The following CDS2 variants were observed in gnomAD, a reference collection of about 807,000 sequenced individuals.
CDS2 encodes phosphatidate cytidylyltransferase 2.
CDS2 carries 47 observed loss-of-function variants against 59.0 expected under a neutral mutation model. That is an observed-to-expected ratio of 0.80 (90% CI 0.63 to 1.02). The LOEUF is 1.02. Among genes scored for constraint, CDS2 ranks in the 50% least tolerant of loss-of-function variants. CDS2 has a pLI of 0.00. For missense variants in CDS2, 356 were observed against 558.9 expected (o/e 0.64, Z 3.66); for synonymous variants, 207 against 206.4 (o/e 1.00, Z -0.02).
Position 5,173,542 on chromosome 20 carries a change from A to G in CDS2, c.77A>G (p.Lys26Arg). ...PEDKESESEA[K>R]VDGETASDSE... ...ACTTAGGAGTCAGAGTCAGAAGCAA[A>G]GGTAGATGGAGAGACTGCATCGGAC... The change falls in exon 2 of 13, where the codon AAG becomes AGG. Residue 26 changes from lysine (K) to arginine (R), a missense_variant. Lys to Arg is a conservative substitution (Grantham distance 26, BLOSUM62 2). Transcript: ENST00000460006. 6.2e-7 allele frequency: 1 copy of G among 1,614,160 alleles called. No individual in the cohort carries two copies. The highest frequency in any genetic ancestry group is 8.5e-7 in the Non-Finnish European group (1 of 1,180,004).
chr20:5,182,336 A>G, intron 5 of CDS2, 51 bp from the exon 6 acceptor site: 2 of 1,531,976 alleles, frequency 1.3e-6, no homozygotes, highest in East Asian at 2.3e-5. Flanking sequence ...GAGGGCAAAG[A>G]TAAATGCAGA....
intron 1 of CDS2, among the ~76,000 whole-genome samples, chr20:5,152,007 G>T (rs1231090433): frequency 7.0e-6 from 1 of 142,766 alleles, no homozygotes; most frequent in African/African-American, 2.6e-5. Context: ...CAGAAGATCC[G>T]CCTGCCTCAG....
rs768795422 is a variant in CDS2, at chr20:5,178,865, G to A, written c.438G>A (p.Thr146=). ...ATTTCTTCTATGGTGAGACAGTGAC[G>A]GATTACTTCTTCACCCTGGTCCAGA... is the stretch of plus-strand genomic sequence containing the variant. ...VNYFFYGETV[T]DYFFTLVQRE... The change falls in exon 5 of 13, where the codon ACG becomes ACA. Residue 146 remains threonine (T), a synonymous_variant. Coordinates refer to ENST00000460006, the MANE Select transcript of CDS2 (RefSeq NM_003818.4). 4.0e-5 allele frequency: 64 copies of A among 1,614,048 alleles called. No individual in the cohort carries two copies. The Admixed American group carries it at 9.0e-4, about 23-fold the overall frequency.
intron 11 of CDS2, 136 bp from the exon 12 acceptor site, chr20:5,189,599 A>G (rs2091097104): frequency 1.5e-6 from 1 of 676,534 alleles, no homozygotes; most frequent in South Asian, 1.8e-5. Context: ...TAGCCTCACC[A>G]TTAGATTTCA....
At chr20:5,156,571 C>T (rs2090834968) in intron 1 of CDS2, among the ~76,000 whole-genome samples, 1 of 152,030 alleles carries the variant, frequency 6.6e-6, no homozygotes, top group Non-Finnish European at 1.5e-5. Context: ...GGAGGAAGAA[C>T]TGAGAAGATG....
In CDS2 at chr20:5,190,196, G is replaced by A. The variant is rs1600520805; in HGVS notation, c.1300G>A (p.Asp434Asn). The change falls in exon 13 of 13, where the codon GAC becomes AAC. Residue 434 changes from aspartate to asparagine, a missense_variant. This residue lies in a region of CDS2 where 33 missense variants were observed against 27.9 expected (regional missense o/e 1.18). Coordinates refer to ENST00000460006, the MANE Select transcript of CDS2 (RefSeq NM_003818.4). ...CAACACGCTGCGGTCTCATCTGATC[G>A]ACAAAGGGATGCTGACATCCACCAC... ...IFNTLRSHLIDKGMLTSTTED... is the reference protein window; with the variant it reads ...IFNTLRSHLINKGMLTSTTED... 6 of 1,614,034 alleles carry A rather than the reference G, an allele frequency of 3.7e-6. No individual in the cohort carries two copies. Among genetic ancestry groups the A allele is most frequent in the Non-Finnish European group, 4.2e-6 (5 of 1,179,968 alleles).
intron 1 of CDS2, among the ~76,000 whole-genome samples, chr20:5,142,823 A>G (rs2090706283): frequency 6.6e-6 from 1 of 152,330 alleles, no homozygotes; most frequent in Non-Finnish European, 1.5e-5. Flanking sequence ...AAATGTATAT[A>G]AAAAGACAAC....
At chr20:5,171,476 C>G (rs2090955740) in intron 1 of CDS2, among the ~76,000 whole-genome samples, 1 of 152,158 alleles carries the variant, frequency 6.6e-6, no homozygotes, top group African/African-American at 2.4e-5. Flanking sequence ...TTTTAGAGGT[C>G]AAAGCCAGGT....
At chr20:5,145,248 G>GC (rs1214680290) in intron 1 of CDS2, among the ~76,000 whole-genome samples, 1 of 28,740 alleles carries the variant, frequency 3.5e-5, no homozygotes, top group Non-Finnish European at 7.6e-5. Flanking sequence ...CCCCCCCCCC[G>GC]CCCCCGCCAC....
chr20:5,137,449 G>A (rs1354514682), intron 1 of CDS2, among the ~76,000 whole-genome samples: 4 of 151,738 alleles, frequency 2.6e-5, no homozygotes, highest in Non-Finnish European at 4.4e-5. Context: ...CACCATGTTA[G>A]CCAGGCTGGT....
chr20:5,157,597 G>A (rs1054952362), intron 1 of CDS2, among the ~76,000 whole-genome samples: 11 of 152,140 alleles, frequency 7.2e-5, no homozygotes, highest in African/African-American at 2.2e-4. Flanking sequence ...CATTGTTTTG[G>A]GGTCTGGGAA....
intron 4 of CDS2, among the ~76,000 whole-genome samples, chr20:5,178,320 G>T (rs953898329): frequency 2.6e-5 from 4 of 152,190 alleles, no homozygotes; most frequent in African/African-American, 7.2e-5. Flanking sequence ...AAAGTTTTAT[G>T]AATAAAATGG....
chr20:5,159,456 T>G (rs1190299231), intron 1 of CDS2, among the ~76,000 whole-genome samples: 1 of 152,036 alleles, frequency 6.6e-6, no homozygotes, highest in Non-Finnish European at 1.5e-5. Context: ...TGTTAAAATT[T>G]TATAGTTCAG....
intron 1 of CDS2, among the ~76,000 whole-genome samples, chr20:5,159,002 AT>A (rs1313880179): frequency 1.4e-4 from 21 of 152,096 alleles, no homozygotes; most frequent in African/African-American, 5.1e-4. Context: ...GCTTTAACCC[AT>A]GTGTCTTTGC....
Position 5,193,375 on chromosome 20 carries a change from C to G in CDS2, c.*3141C>G, listed in dbSNP as rs190308096. On this transcript the variant is annotated 3_prime_UTR_variant, in exon 13 of 13. Coordinates refer to ENST00000460006, the MANE Select transcript of CDS2 (RefSeq NM_003818.4). ...GTTTCACATCCTTTGAAACTAATCT[C>G]TTTCATTGGGGAGGATACAACTTTT... 6.6e-6 allele frequency: 1 copy of G among 152,310 alleles called. No homozygotes were observed. The highest frequency in any genetic ancestry group is 6.5e-5 in the Admixed American group (1 of 15,290). The allele number at this position is 152,310 out of a possible 1,614,324, so 9.4% of individuals were successfully genotyped here.
intron 1 of CDS2, among the ~76,000 whole-genome samples, chr20:5,139,862 G>A (rs7271361): frequency 1.3e-5 from 2 of 148,860 alleles, no homozygotes; most frequent in Non-Finnish European, 3.0e-5. Context: ...GCAGTGGCAC[G>A]ATCTCAGCTC....
intron 1 of CDS2, among the ~76,000 whole-genome samples, chr20:5,167,676 A>G (rs1433444185): frequency 6.6e-6 from 1 of 152,166 alleles, no homozygotes; most frequent in Non-Finnish European, 1.5e-5. Flanking sequence ...CATCTCTGGT[A>G]ATTTCTCTCC....
chr20:5,164,628 G>GAA lies in CDS2; in HGVS notation c.58-8882_58-8881dup, dbSNP rs11481738. Reference sequence around the variant, plus strand: ...TGGGAGAGCTTTATCTTAATAAACTGAAAAAAAAAAAAAATTCCTTCCTTC... The same window carrying GAA: ...TGGGAGAGCTTTATCTTAATAAACTGAAAAAAAAAAAAAAAATTCCTTCCTTC... On this transcript the variant is annotated intron_variant, in intron 1 of 12. Coordinates refer to ENST00000460006, the MANE Select transcript of CDS2 (RefSeq NM_003818.4). 1.1e-3 allele frequency among the ~76,000 whole-genome samples: 160 copies of GAA among 142,770 alleles called. 1 individual carries two copies. The East Asian group carries it at 0.014, about 13-fold the overall frequency. 93.7% of individuals were successfully genotyped at this position (142,770 alleles called of 152,430 possible). A position where few individuals can be genotyped will look rare whatever the true frequency, so the allele number is the denominator to read the frequency against.
At chr20:5,185,669 TGAAAGAAAG>T (rs1568544067) in intron 8 of CDS2, 80 bp from the exon 9 acceptor site, 1 of 1,193,278 alleles carries the variant, frequency 8.4e-7, no homozygotes, top group African/African-American at 1.5e-5. Context: ...TGGGGTTTTA[TGAAAGAAAG>T]GTTCTTAACA....
Sources: allele counts gnomAD v4.1 joint callset (sites outside exome capture counted in the v4.1 genomes callset), GRCh38; gene constraint gnomAD v4.1.1; regional missense constraint gnomAD v4.1.1; transcripts MANE v1.5; gene names NCBI Gene and HGNC (gene_info 2026-07-23, HGNC 2026-07-21).